Variants in AP4S1 observed in about 807,000 individuals in gnomAD.
The protein encoded by AP4S1 is adaptor related protein complex 4 subunit sigma 1.
In AP4S1, 23 loss-of-function variants were observed where a neutral mutation model predicts 19.8. That is an observed-to-expected ratio of 1.16 (90% CI 0.84 to 1.65). The LOEUF (loss-of-function observed/expected upper bound fraction) is 1.65. AP4S1 is among the 40% of genes most tolerant of loss of function. AP4S1 has a pLI of 0.00. For missense variants in AP4S1, 166 were observed against 172.8 expected, an observed-to-expected ratio of 0.96 and a Z score of 0.22; for synonymous variants, 46 against 54.1, an observed-to-expected ratio of 0.85 and a Z score of 0.66.
Position 31,093,159 on chromosome 14 carries a change from A to ACAT in AP4S1, c.*125_*127dup. ...TACAAAATGGGGTATCCTTCCAAAG[A>ACAT]CATTATAAATAGGCATTTTCCACAG... On this transcript the variant is annotated 3_prime_UTR_variant, in exon 6 of 6. Coordinates refer to ENST00000542754, the MANE Select transcript of AP4S1 (RefSeq NM_001128126.3). The ACAT allele has an allele frequency of 1.0e-6, 1 of 993,756 alleles. No individual in the cohort carries two copies. Among genetic ancestry groups the ACAT allele is most frequent in the Non-Finnish European group, 1.4e-6 (1 of 707,128 alleles). 61.6% of individuals were successfully genotyped at this position (993,756 alleles called of 1,614,324 possible).
intron 1 of AP4S1, among the ~76,000 whole-genome samples, chr14:31,045,363 G>A (rs1248540681): frequency 6.6e-6 from 1 of 152,172 alleles, no homozygotes; most frequent in Non-Finnish European, 1.5e-5. Flanking sequence ...CGTCAAGGGA[G>A]AGACAAGGTT....
rs12436905 is a variant in AP4S1, at chr14:31,057,932, G to T, written c.-71-8194G>T. Among the ~76,000 whole-genome samples, 262 of 139,414 alleles carry T rather than the reference G, an allele frequency of 1.9e-3. 1 individual carries two copies. The highest frequency in any genetic ancestry group is 2.9e-3 in the Non-Finnish European group (185 of 63,528). 91.5% of individuals were successfully genotyped at this position (139,414 alleles called of 152,430 possible). A position where few individuals can be genotyped will look rare whatever the true frequency, so the allele number is the denominator to read the frequency against. On this transcript the variant is annotated intron_variant, in intron 1 of 5. Coordinates refer to ENST00000542754, the MANE Select transcript of AP4S1 (RefSeq NM_001128126.3). ...CGTGAGCAACTGCACCCAGCCAGTTGTTTTTTTTTTTTTTAGAGATAGGGT... is the reference window on the plus strand; with the variant it reads ...CGTGAGCAACTGCACCCAGCCAGTTTTTTTTTTTTTTTTTAGAGATAGGGT...
intron 5 of AP4S1, among the ~76,000 whole-genome samples, chr14:31,089,293 G>A (rs1278133292): frequency 6.6e-6 from 1 of 152,164 alleles, no homozygotes; most frequent in African/African-American, 2.4e-5. Context: ...TGTGAACACA[G>A]TGGCCCTTGG....
chr14:31,073,082 T>G lies in AP4S1; in HGVS notation c.294+109T>G, dbSNP rs1887103363. ...TGTGTTAATACAGAGTTTTAATAAG[T>G]AAAAGTTAAAACTTAAGTGATGCCA... On this transcript the variant is annotated intron_variant, in intron 4 of 5. Coordinates refer to ENST00000542754, the MANE Select transcript of AP4S1 (RefSeq NM_001128126.3). 1.4e-5 allele frequency: 14 copies of G among 978,232 alleles called. 1 individual carries two copies. In the South Asian group the frequency reaches 1.6e-4, roughly 11 times the overall value. The allele number at this position is 978,232 out of a possible 1,614,324, so 60.6% of individuals were successfully genotyped here.
rs117673186 is a variant in AP4S1 at position 31,053,543 on chromosome 14, T to C, written c.-71-12583T>C. 6.7e-4 allele frequency among the ~76,000 whole-genome samples: 102 copies of C among 151,720 alleles called. No homozygotes were observed. The East Asian group carries it at 0.017, about 25-fold the overall frequency. ...CTGGGTTGGGAAATGGGAGGTCCTT[T>C]GGATGAATTCTAAATTCTAAAACAC... is the stretch of plus-strand genomic sequence containing the variant. On this transcript the variant is annotated intron_variant, in intron 1 of 5. Coordinates refer to ENST00000542754, the MANE Select transcript of AP4S1 (RefSeq NM_001128126.3).
intron 1 of AP4S1, 117 bp from the exon 2 acceptor site, chr14:31,066,009 T>C (rs1363628820): frequency 3.6e-6 from 2 of 559,630 alleles, no homozygotes; most frequent in Non-Finnish European, 6.3e-6. Flanking sequence ...TAAAGACTGA[T>C]ATTATCAGAT....
chr14:31,049,368 C>T (rs569880209), intron 1 of AP4S1, among the ~76,000 whole-genome samples: 12 of 140,502 alleles, frequency 8.5e-5, no homozygotes, highest in African/African-American at 2.9e-4. Context: ...GAGCCGAGAT[C>T]GCACCACTGC....
intron 5 of AP4S1, among the ~76,000 whole-genome samples, chr14:31,084,539 G>GTGTC (rs1887823709): frequency 6.6e-6 from 1 of 152,224 alleles, no homozygotes; most frequent in South Asian, 2.1e-4. Context: ...TGGTGCAGTG[G>GTGTC]TGTCAGGTGG....
chr14:31,085,688 A>C (rs1192213309), intron 5 of AP4S1: 3 of 659,396 alleles, frequency 4.5e-6, no homozygotes, highest in Non-Finnish European at 5.6e-6. Context: ...TGGGAGGATC[A>C]CTTGAGCCTG....
intron 4 of AP4S1, among the ~76,000 whole-genome samples, chr14:31,080,230 A>T (rs760761458): frequency 3.3e-5 from 5 of 152,216 alleles, no homozygotes; most frequent in Non-Finnish European, 7.3e-5. Context: ...TACTAGAAGT[A>T]ACGTCAGTGG....
chr14:31,032,297 A>T (rs1472611109), intron 1 of AP4S1, among the ~76,000 whole-genome samples: 2 of 152,116 alleles, frequency 1.3e-5, no homozygotes, highest in African/African-American at 4.8e-5. Flanking sequence ...AATCTTGGAC[A>T]CCGTATGCTT....
chr14:31,072,417 C>T (rs4981087), intron 3 of AP4S1, among the ~76,000 whole-genome samples: 69,119 of 151,624 alleles, frequency 0.46, 16,128 homozygotes, highest in Admixed American at 0.58. Context: ...GTTTCCCAGG[C>T]GGGAGTACAG....
rs974763901 is a variant in AP4S1 at position 31,025,746 on chromosome 14, G to C, written c.-113G>C. The C allele has an allele frequency of 2.6e-5, 27 of 1,027,628 alleles. No individual in the cohort carries two copies. The highest frequency in any genetic ancestry group is 3.6e-5 in the Non-Finnish European group (26 of 730,466). 63.7% of individuals were successfully genotyped at this position (1,027,628 alleles called of 1,614,324 possible). On this transcript the variant is annotated 5_prime_UTR_variant, in exon 1 of 6. Transcript: ENST00000542754. ...GCGGGAAAGAGGGAGGGGGACTCCA[G>C]GAAAAGCCGTTGAGAGGACCATCAC...
intron 1 of AP4S1, among the ~76,000 whole-genome samples, chr14:31,061,193 T>C (rs890600576): frequency 1.5e-4 from 23 of 151,870 alleles, no homozygotes; most frequent in African/African-American, 5.6e-4. Flanking sequence ...ATTTTGGTAT[T>C]TTTTAGTAGA....
chr14:31,043,706 G>C (rs1240280340), intron 1 of AP4S1, among the ~76,000 whole-genome samples: 1 of 152,130 alleles, frequency 6.6e-6, no homozygotes, highest in Non-Finnish European at 1.5e-5. Context: ...CAATGTTTTT[G>C]TTATGTACAA....
At chr14:31,062,323 T>A (rs1305835058) in intron 1 of AP4S1, among the ~76,000 whole-genome samples, 2 of 151,976 alleles carry the variant, frequency 1.3e-5, no homozygotes, top group Non-Finnish European at 2.9e-5. Context: ...GTTCTTAAAC[T>A]CCTGACCTCA....
intron 1 of AP4S1, among the ~76,000 whole-genome samples, chr14:31,036,536 A>G (rs1036851430): frequency 6.6e-6 from 1 of 152,226 alleles, no homozygotes; most frequent in African/African-American, 2.4e-5. Flanking sequence ...AGCCTGACCT[A>G]GCTATTATTG....
chr14:31,070,184 G>A (rs1018362121), intron 3 of AP4S1, among the ~76,000 whole-genome samples: 2 of 152,060 alleles, frequency 1.3e-5, no homozygotes, highest in Admixed American at 6.6e-5. Context: ...AGTAGAGATG[G>A]GGTTTCACCA....
intron 1 of AP4S1, among the ~76,000 whole-genome samples, chr14:31,035,028 T>C (rs1884643291): frequency 6.6e-6 from 1 of 152,160 alleles, no homozygotes; most frequent in Non-Finnish European, 1.5e-5. Context: ...TTTCATCTAC[T>C]CTACTTTTTT....
Sources: allele counts gnomAD v4.1 joint callset (sites outside exome capture counted in the v4.1 genomes callset), GRCh38; gene constraint gnomAD v4.1.1; transcripts MANE v1.5; gene names NCBI Gene and HGNC (gene_info 2026-07-23, HGNC 2026-07-21).